The following PACSIN2 variants were observed in gnomAD, a reference collection of about 807,000 sequenced individuals.
PACSIN2 encodes the protein protein kinase C and casein kinase substrate in neurons 2, also known as protein kinase C and casein kinase substrate in neurons protein 2.
Under a neutral mutation model 63.8 loss-of-function variants are expected in PACSIN2, and 25 were observed. That is an observed-to-expected ratio of 0.39 (90% CI 0.29 to 0.55). The LOEUF is 0.55. Among genes scored for constraint, PACSIN2 ranks in the 20% least tolerant of loss-of-function variants. The pLI is 0.62. For missense variants in PACSIN2, 518 were observed against 646.9 expected, an observed-to-expected ratio of 0.80 and a Z score of 2.16; for synonymous variants, 255 against 256.2, an observed-to-expected ratio of 1.00 and a Z score of 0.05.
rs192059305 is a variant in PACSIN2, at chr22:42,898,719, C to T, written c.61-5106G>A. ...TCCCCGAGCCCAGGACTCGCCCTGC[C>T]GCCTGCCCTCCTCCAGGCTGCACTC... On this transcript the variant is annotated intron_variant, in intron 2 of 10. Coordinates refer to ENST00000263246, the MANE Select transcript of PACSIN2 (RefSeq NM_001184970.3). Among the ~76,000 whole-genome samples, 736 of 152,200 alleles carry T rather than the reference C, an allele frequency of 4.8e-3. 8 individuals are homozygous for T. The highest frequency in any genetic ancestry group is 0.017 in the African/African-American group (714 of 41,524).
intron 1 of PACSIN2, among the ~76,000 whole-genome samples, chr22:42,930,687 C>T (rs1932764738): frequency 6.6e-6 from 1 of 152,194 alleles, no homozygotes; most frequent in Non-Finnish European, 1.5e-5. Flanking sequence ...ATTTCTCAAT[C>T]TGGTTTGGGT....
intron 2 of PACSIN2, among the ~76,000 whole-genome samples, chr22:42,898,627 C>T (rs957383652): frequency 7.2e-5 from 11 of 152,138 alleles, no homozygotes; most frequent in African/African-American, 2.2e-4. Flanking sequence ...CAGGGATGGA[C>T]CTTGGGGGCC....
At chr22:42,987,449 AACACACACACAC>A (rs745523623) in intron 1 of PACSIN2, among the ~76,000 whole-genome samples, 12 of 87,088 alleles carry the variant, frequency 1.4e-4, no homozygotes, top group African/African-American at 4.4e-4. Context: ...GTCCAGGAGC[AACACACACACAC>A]ACACACACAC....
intron 1 of PACSIN2, among the ~76,000 whole-genome samples, chr22:42,969,722 C>T (rs923109307): frequency 1.3e-5 from 2 of 151,982 alleles, no homozygotes; most frequent in East Asian, 3.9e-4. Context: ...GATGATCGCT[C>T]GAGTCCACGT....
At chr22:42,887,220 G>A (rs539051587) in intron 5 of PACSIN2, among the ~76,000 whole-genome samples, 1 of 152,216 alleles carries the variant, frequency 6.6e-6, no homozygotes, top group Non-Finnish European at 1.5e-5. Flanking sequence ...GGGTTTCCCA[G>A]AGGATTCTGA....
intron 1 of PACSIN2, among the ~76,000 whole-genome samples, chr22:42,975,709 C>G (rs933945266): frequency 6.6e-6 from 1 of 150,708 alleles, no homozygotes; most frequent in African/African-American, 2.4e-5. Context: ...TGCCTTTACC[C>G]CCTGGCAGGG....
chr22:42,884,712 G>C, intron 5 of PACSIN2, 151 bp from the exon 6 acceptor site: 1 of 622,210 alleles, frequency 1.6e-6, no homozygotes, highest in South Asian at 2.0e-5. Context: ...TCAAGTCCCA[G>C]TTCCTCCACT....
chr22:42,883,295 C>T (rs1409513326), intron 6 of PACSIN2, among the ~76,000 whole-genome samples: 1 of 152,184 alleles, frequency 6.6e-6, no homozygotes, highest in Non-Finnish European at 1.5e-5. Flanking sequence ...GTGCCACCCA[C>T]TTTACAAGAC....
chr22:42,883,744 G>A (rs1268791133), intron 6 of PACSIN2, among the ~76,000 whole-genome samples: 2 of 152,234 alleles, frequency 1.3e-5, no homozygotes, highest in Admixed American at 6.5e-5. Flanking sequence ...GGTGGCTCAC[G>A]CCTGTAATCC....
At chr22:42,896,845 G>A (rs1463676152) in intron 2 of PACSIN2, among the ~76,000 whole-genome samples, 2 of 152,174 alleles carry the variant, frequency 1.3e-5, no homozygotes, top group Non-Finnish European at 2.9e-5. Flanking sequence ...ATTGCATTGT[G>A]ATTTTAATTT....
rs192513064 is a variant in PACSIN2 at position 43,000,114 on chromosome 22, T to C, written c.-78+14907A>G. On this transcript the variant is annotated intron_variant, in intron 1 of 10. Transcript: ENST00000263246. ...GAGCTCCTTACTAACAACAGCTCACTGCAGGCACTTGTAGCCCCAATGGAC... is the reference window on the plus strand; with the variant it reads ...GAGCTCCTTACTAACAACAGCTCACCGCAGGCACTTGTAGCCCCAATGGAC... 3.1e-3 allele frequency among the ~76,000 whole-genome samples: 470 copies of C among 152,348 alleles called. 3 individuals carry two copies. Among genetic ancestry groups the C allele is most frequent in the African/African-American group, 0.011 (462 of 41,586 alleles).
chr22:42,935,611 A>G lies in PACSIN2; in HGVS notation c.-77-23454T>C, dbSNP rs373943936. 7.7e-4 allele frequency among the ~76,000 whole-genome samples: 118 copies of G among 152,336 alleles called. 1 individual carries two copies. The highest frequency in any genetic ancestry group is 2.7e-3 in the African/African-American group (111 of 41,574). ...CAACACAAATTATTCATCAAGTCCTATAATCACTGAGATTTCAATTTGGCT... is the reference window on the plus strand; with the variant it reads ...CAACACAAATTATTCATCAAGTCCTGTAATCACTGAGATTTCAATTTGGCT... On this transcript the variant is annotated intron_variant, in intron 1 of 10. Transcript: ENST00000263246.
Position 42,891,199 on chromosome 22 carries a change from A to C in PACSIN2, c.218-17T>G. 6.3e-7 allele frequency: 1 copy of C among 1,580,930 alleles called. No individual in the cohort carries two copies. Among genetic ancestry groups the C allele is most frequent in the Admixed American group, 1.7e-5 (1 of 59,900 alleles). ...ACTGGGGCCCTGTGCAGGGGAGAGA[A>C]GCTGCGGGTCACTCAGCGCCGGCCA... On this transcript the variant is annotated splice_polypyrimidine_tract_variant and intron_variant, in intron 3 of 10. Coordinates refer to ENST00000263246, the MANE Select transcript of PACSIN2 (RefSeq NM_001184970.3).
At chr22:42,901,877 G>A (rs1025581418) in intron 2 of PACSIN2, among the ~76,000 whole-genome samples, 15 of 152,202 alleles carry the variant, frequency 9.9e-5, no homozygotes, top group Admixed American at 7.2e-4. Flanking sequence ...CCACCAGGGC[G>A]TCTTCCTTCC....
chr22:42,996,045 C>T (rs1923374442), intron 1 of PACSIN2, among the ~76,000 whole-genome samples: 1 of 151,680 alleles, frequency 6.6e-6, no homozygotes, highest in Non-Finnish European at 1.5e-5. Flanking sequence ...ACGGTGAAAC[C>T]TCATTTCTAC....
At chr22:43,002,081 C>T (rs1923803607) in intron 1 of PACSIN2, among the ~76,000 whole-genome samples, 1 of 152,150 alleles carries the variant, frequency 6.6e-6, no homozygotes, top group Admixed American at 6.5e-5. Context: ...GCAAACAAGG[C>T]AAGCAAGCAC....
chr22:42,887,438 A>AGG (rs1929574311), intron 5 of PACSIN2, among the ~76,000 whole-genome samples: 1 of 152,190 alleles, frequency 6.6e-6, no homozygotes. Context: ...CCTAACTGAC[A>AGG]GGGGCCAGGA....
At chr22:42,879,357 C>T (rs552247994) in intron 7 of PACSIN2, among the ~76,000 whole-genome samples, 188 bp from the exon 8 acceptor site, 3 of 152,366 alleles carry the variant, frequency 2.0e-5, no homozygotes, top group East Asian at 3.9e-4. Context: ...TGAACCCAAA[C>T]GACCTGAGCC....
In PACSIN2 at chr22:42,903,452, G is replaced by GT. The variant is rs544483426; in HGVS notation, c.60+8568_60+8569insA. Among the ~76,000 whole-genome samples, 146 of 152,268 alleles carry GT rather than the reference G, an allele frequency of 9.6e-4. 1 individual carries two copies. Among genetic ancestry groups the GT allele is most frequent in the African/African-American group, 3.3e-3 (136 of 41,530 alleles). On this transcript the variant is annotated intron_variant, in intron 2 of 10. Coordinates refer to ENST00000263246, the MANE Select transcript of PACSIN2 (RefSeq NM_001184970.3). The stretch of plus-strand genomic sequence containing the variant: ...GTTTGAAAACACCAAAGAGTAACAG[G>GT]GGTCCTTGAAAAACCATCTAGTCCG...
Sources: gnomAD v4.1 joint callset for allele counts (sites outside exome capture counted in the v4.1 genomes callset) on GRCh38, gnomAD v4.1.1 for gene constraint, MANE v1.5 for transcripts, NCBI Gene and HGNC (gene_info 2026-07-23, HGNC 2026-07-21) for gene names.